The following CYP7A1 variants were observed in gnomAD, a reference collection of about 807,000 sequenced individuals.
The protein encoded by CYP7A1 is cytochrome P450 7A1.
Under a neutral mutation model 43.8 loss-of-function variants are expected in CYP7A1, and 28 were observed. The observed-to-expected ratio is 0.64, with a 90% CI of 0.47 to 0.88. The LOEUF is 0.88. Among genes scored for constraint, CYP7A1 ranks in the 40% least tolerant of loss-of-function variants. CYP7A1 has a pLI of 0.00. For synonymous variants in CYP7A1, 227 were observed against 222.5 expected (o/e 1.02, Z -0.18); for missense variants, 637 against 611.9 (o/e 1.04, Z -0.43).
chr8:58,499,926 A>G, intron 1 of CYP7A1, 93 bp downstream of exon 1: 1 of 897,712 alleles, frequency 1.1e-6, no homozygotes, highest in South Asian at 1.4e-5. Context: ...TAATATGTGT[A>G]AGTATAGAAA....
intron 2 of CYP7A1, 137 bp from the exon 3 acceptor site, chr8:58,497,327 A>C (rs1809461462): frequency 5.3e-6 from 4 of 760,386 alleles, no homozygotes; most frequent in Non-Finnish European, 8.9e-6. Context: ...GTACAAGTTC[A>C]TAGCACTTTA....
In CYP7A1 at chr8:58,498,344, CA is replaced by C; in HGVS notation, c.205del (p.Cys69AlafsTer3). The C allele has an allele frequency of 6.2e-7, 1 of 1,614,086 alleles. No individual in the cohort carries two copies. The highest frequency in any genetic ancestry group is 8.5e-7 in the Non-Finnish European group (1 of 1,180,004). The part of the protein sequence containing the change: ...NQRKHGHVFT[C>X]KLMGKYVHFI... ...ATGGACATATTTTCCCATTAGTTTG[CA>C]GGTAAAAACATGACCATGTTTCCTT... On this transcript the variant is annotated frameshift_variant, in exon 2 of 6. Transcript: ENST00000301645. LOFTEE classifies it high-confidence loss of function.
rs1414482574 is a variant in CYP7A1 at position 58,496,752 on chromosome 8, A to C, written c.760T>G (p.Ser254Ala). The C allele has an allele frequency of 6.2e-7, 1 of 1,614,166 alleles. No individual in the cohort carries two copies. Among genetic ancestry groups the C allele is most frequent in the South Asian group, 1.1e-5 (1 of 91,088 alleles). The change falls in exon 3 of 6, where the codon TCA (serine) becomes GCA (alanine). Residue 254 changes from serine to alanine, a missense_variant. Physicochemically the swap from Ser to Ala is moderately conservative, Grantham distance 99 (BLOSUM62 1). Transcript: ENST00000301645. ...HENLQKRESI[S>A]ELISLRMFLN... ...AACATGCGCAGGCTGATCAGTTCTG[A>C]GATGCTTTCCCTCTTTTGGAGGTTC...
intron 4 of CYP7A1, among the ~76,000 whole-genome samples, chr8:58,493,839 A>C (rs1045652409): frequency 1.3e-5 from 2 of 152,078 alleles, no homozygotes; most frequent in Non-Finnish European, 2.9e-5. Flanking sequence ...GTCTCTACTA[A>C]AAATACAAAA....
rs1809409086 is a variant in CYP7A1, at chr8:58,494,567, G to T, written c.978C>A (p.Val326=). 5.0e-6 allele frequency: 8 copies of T among 1,613,936 alleles called. No individual in the cohort carries two copies. The highest frequency in any genetic ancestry group is 6.8e-6 in the Non-Finnish European group (8 of 1,179,962). ...AACAAATAGGATTGCCTTCCAAGCT[G>T]ACTTTTTGACCAGCATTCTCTAATG... is the stretch of plus-strand genomic sequence containing the variant. ...KRTLENAGQK[V]SLEGNPICLS... Residue 326 remains valine (V), a synonymous_variant, in exon 4 of 6, where the codon GTC becomes GTA. Coordinates refer to ENST00000301645, the MANE Select transcript of CYP7A1 (RefSeq NM_000780.4).
Position 58,491,502 on chromosome 8 carries a change from T to A in CYP7A1, c.1488A>T (p.Glu496Asp). ...LGILPPLNDI[E>D]FKYKFKHL is the part of the protein sequence containing the mutation. ...ACAAATGCTTGAATTTATATTTAAA[T>A]TCAATATCATTCAATGGCGGCAAAA... Residue 496 changes from glutamate to aspartate, a missense_variant, in exon 6 of 6, where the codon GAA becomes GAT. Coordinates refer to ENST00000301645, the MANE Select transcript of CYP7A1 (RefSeq NM_000780.4). 6.2e-7 allele frequency: 1 copy of A among 1,614,134 alleles called. No individual in the cohort carries two copies. The highest frequency in any genetic ancestry group is 8.5e-7 in the Non-Finnish European group (1 of 1,180,002).
rs749230759 is a variant in CYP7A1 at position 58,496,875 on chromosome 8, C to T, written c.637G>A (p.Asp213Asn). 1.2e-6 allele frequency: 2 copies of T among 1,614,204 alleles called. No homozygotes were observed. Among genetic ancestry groups the T allele is most frequent in the East Asian group, 2.2e-5 (1 of 44,892 alleles). ...GCTACCAGGGCTGGAAAGACTTTGT[C>T]GAATTGCTTGAAGTTGTCAAGATTG... Reference protein sequence around the residue: ...LNNLDNFKQFDKVFPALVAGL... With the variant: ...LNNLDNFKQFNKVFPALVAGL... Residue 213 changes from aspartate to asparagine, a missense_variant, in exon 3 of 6, where the codon GAC (aspartate) becomes AAC (asparagine). Transcript: ENST00000301645.
At chr8:58,498,533 GT>G in intron 1 of CYP7A1, 64 bp from the exon 2 acceptor site, 1 of 1,597,094 alleles carries the variant, frequency 6.3e-7, no homozygotes, top group South Asian at 1.1e-5. Flanking sequence ...CTTACATCAG[GT>G]TTTAAAATTT....
chr8:58,491,453 T>C lies in CYP7A1; in HGVS notation c.*22A>G, dbSNP rs1185494218. On this transcript the variant is annotated 3_prime_UTR_variant, in exon 6 of 6. Coordinates refer to ENST00000301645, the MANE Select transcript of CYP7A1 (RefSeq NM_000780.4). The stretch of plus-strand genomic sequence containing the variant: ...TGCAGTCCTGTAATATCATCTAGTG[T>C]CCTCTTATTCCAGCCATGTATTCAC... 1.2e-6 allele frequency: 2 copies of C among 1,607,300 alleles called. No individual in the cohort carries two copies. Among genetic ancestry groups the C allele is most frequent in the East Asian group, 2.2e-5 (1 of 44,832 alleles).
At chr8:58,495,861 T>A (rs1211528655) in intron 3 of CYP7A1, among the ~76,000 whole-genome samples, 2 of 152,214 alleles carry the variant, frequency 1.3e-5, no homozygotes. Context: ...AATTTGGCAT[T>A]CCCAATCCTA....
intron 4 of CYP7A1, among the ~76,000 whole-genome samples, chr8:58,493,990 A>C (rs1202238752): frequency 6.6e-6 from 1 of 152,162 alleles, no homozygotes; most frequent in Non-Finnish European, 1.5e-5. Flanking sequence ...ACAGAACAAG[A>C]CTTTGTCAAA....
intron 5 of CYP7A1, 103 bp from the exon 6 acceptor site, chr8:58,491,877 A>G (rs1809357766): frequency 2.1e-6 from 2 of 959,592 alleles, no homozygotes; most frequent in East Asian, 2.5e-5. Flanking sequence ...TTTTAATTCT[A>G]CCCCATTAGT....
At chr8:58,499,911 A>G (rs533285898) in intron 1 of CYP7A1, 108 bp downstream of exon 1, 19 of 762,590 alleles carry the variant, frequency 2.5e-5, no homozygotes, top group African/African-American at 2.1e-4. Flanking sequence ...TAAGGAAGAT[A>G]ATGCTAATAT....
At position 58,490,397 on chromosome 8, in the gene CYP7A1, T is replaced by C. The variant is rs968471361; in HGVS notation, c.*1078A>G. 6.6e-6 allele frequency: 1 copy of C among 152,204 alleles called. No individual in the cohort carries two copies. Among genetic ancestry groups the C allele is most frequent in the Non-Finnish European group, 1.5e-5 (1 of 68,030 alleles). 9.4% of individuals were successfully genotyped at this position (152,204 alleles called of 1,614,324 possible). Reference sequence around the variant, plus strand: ...TTAAACACTCGAGTCACCTTAGTTTTTTTCATCTGCAAGTCATTTAGCGAT... The same window carrying C: ...TTAAACACTCGAGTCACCTTAGTTTCTTTCATCTGCAAGTCATTTAGCGAT... On this transcript the variant is annotated 3_prime_UTR_variant, in exon 6 of 6. Coordinates refer to ENST00000301645, the MANE Select transcript of CYP7A1 (RefSeq NM_000780.4).
Position 58,496,720 on chromosome 8 carries a change from A to T in CYP7A1, c.792T>A (p.Asn264Lys). 4 of 1,614,242 alleles carry T rather than the reference A, an allele frequency of 2.5e-6. No individual in the cohort carries two copies. The highest frequency in any genetic ancestry group is 3.4e-6 in the Non-Finnish European group (4 of 1,180,046). ...SELISLRMFLNDTLSTFDDLE... is the reference protein window; with the variant it reads ...SELISLRMFLKDTLSTFDDLE... ...GATCATCAAAGGTGGACAAAGTGTCATTGAGAAACATGCGCAGGCTGATCA... is the reference window on the plus strand; with the variant it reads ...GATCATCAAAGGTGGACAAAGTGTCTTTGAGAAACATGCGCAGGCTGATCA... The change falls in exon 3 of 6, where the codon AAT becomes AAA. Residue 264 changes from asparagine to lysine, a missense_variant. Asn to Lys is a moderately conservative substitution (Grantham distance 94). Transcript: ENST00000301645.
rs1222007109 is a variant in CYP7A1, at chr8:58,496,965, C to T, written c.547G>A (p.Gly183Arg). The T allele has an allele frequency of 3.7e-6, 6 of 1,614,046 alleles. No individual in the cohort carries two copies. The Admixed American group carries it at 8.3e-5, about 22-fold the overall frequency. ...TCTCTGCCAAAGATAGTTAAATACCCAGCTTCAAACATCACTCGGTAGCAG... is the reference window on the plus strand; with the variant it reads ...TCTCTGCCAAAGATAGTTAAATACCTAGCTTCAAACATCACTCGGTAGCAG... ...SFCYRVMFEA[G>R]YLTIFGRDLT... is the part of the protein sequence containing the mutation. The change falls in exon 3 of 6, where the codon GGG becomes AGG. Residue 183 changes from glycine to arginine, a missense_variant. Coordinates refer to ENST00000301645, the MANE Select transcript of CYP7A1 (RefSeq NM_000780.4).
intron 3 of CYP7A1, among the ~76,000 whole-genome samples, 199 bp from the exon 4 acceptor site, chr8:58,494,835 T>A (rs1809413275): frequency 6.6e-6 from 1 of 152,198 alleles, no homozygotes; most frequent in Non-Finnish European, 1.5e-5. Flanking sequence ...TAAGAATTGT[T>A]GCCTTAAAAT....
chr8:58,492,586 A>ACTT (rs1809368189), intron 4 of CYP7A1, 58 bp from the exon 5 acceptor site: 2 of 1,435,064 alleles, frequency 1.4e-6, no homozygotes, highest in Non-Finnish European at 9.7e-7. Context: ...AGGAAGGAAG[A>ACTT]GAAGAACAAA....
intron 1 of CYP7A1, 38 bp downstream of exon 1, chr8:58,499,981 T>A (rs755459892): frequency 6.5e-7 from 1 of 1,540,132 alleles, no homozygotes; most frequent in South Asian, 1.1e-5. Flanking sequence ...ATTAAATGGA[T>A]GAATCAAAGA....
Sources: gnomAD v4.1 joint callset for allele counts (sites outside exome capture counted in the v4.1 genomes callset) on GRCh38, gnomAD v4.1.1 for gene constraint, MANE v1.5 for transcripts, NCBI Gene and HGNC (gene_info 2026-07-23, HGNC 2026-07-21) for gene names.